The following ACSL5 variants were observed in gnomAD, a reference collection of about 807,000 sequenced individuals.
The protein encoded by ACSL5 is acyl-CoA synthetase long chain family member 5.
A neutral mutation model predicts 84.9 loss-of-function variants in ACSL5; 50 were observed. The observed-to-expected ratio is 0.59, with a 90% CI of 0.47 to 0.75. The LOEUF (loss-of-function observed/expected upper bound fraction) is 0.75, where lower values mean the gene tolerates loss of function less well. Ranked by LOEUF, ACSL5 falls within the 30% of genes least tolerant of loss-of-function variation. The pLI is 0.00. For synonymous variants in ACSL5, 280 were observed against 300.7 expected (o/e 0.93, Z 0.71); for missense variants, 775 against 830.4 (o/e 0.93, Z 0.82).
At chr10:112,416,563 GTTTT>G (rs1172954499) in intron 12 of ACSL5, among the ~76,000 whole-genome samples, 1 of 151,312 alleles carries the variant, frequency 6.6e-6, no homozygotes, top group Non-Finnish European at 1.5e-5. Flanking sequence ...ATTGAGCTGT[GTTTT>G]TTGTTTGTTT....
In ACSL5 at chr10:112,427,199, G is replaced by C. The variant is rs562020916; in HGVS notation, c.1912-19G>C. ...CCAAATCACTAATGAGCATGGATGT[G>C]TGTGTGTTCATCTTCCAGGTCAAAG... On this transcript the variant is annotated intron_variant, in intron 20 of 20. Transcript: ENST00000354655. 2 of 1,605,390 alleles carry C rather than the reference G, an allele frequency of 1.2e-6. No individual in the cohort carries two copies. The highest frequency in any genetic ancestry group is 1.3e-5 in the African/African-American group (1 of 74,690).
chr10:112,422,610 G>T (rs1412318672), intron 17 of ACSL5, among the ~76,000 whole-genome samples, 169 bp downstream of exon 17: 2 of 152,054 alleles, frequency 1.3e-5, no homozygotes, highest in Non-Finnish European at 2.9e-5. Flanking sequence ...ATCCAGAGAA[G>T]AACATACAGA....
At chr10:112,414,694 G>A (rs1589693880) in intron 12 of ACSL5, among the ~76,000 whole-genome samples, 4 of 152,008 alleles carry the variant, frequency 2.6e-5, no homozygotes, top group African/African-American at 9.7e-5. Flanking sequence ...TTGCTCATGT[G>A]TCCTTTTGAC....
chr10:112,411,527 G>C lies in ACSL5; in HGVS notation c.868G>C (p.Glu290Gln). ...SNAAAFLKCV[E>Q]HAYEPTPDDV... ...TGCTGCTGCCTTTCTCAAATGTGTG[G>C]AGGTCAGTGGTCAGTTGAAAAAGAG... is the stretch of plus-strand genomic sequence containing the variant. Residue 290 changes from glutamate to glutamine, a missense_variant and splice_region_variant, in exon 10 of 21, where the codon GAG (glutamate) becomes CAG (glutamine). Coordinates refer to ENST00000354655, the MANE Select transcript of ACSL5 (RefSeq NM_203379.2). 1 of 1,612,452 alleles carries C rather than the reference G, an allele frequency of 6.2e-7. No individual in the cohort carries two copies. Among genetic ancestry groups the C allele is most frequent in the Non-Finnish European group, 8.5e-7 (1 of 1,178,544 alleles).
At chr10:112,414,805 T>C (rs1055553263) in intron 12 of ACSL5, among the ~76,000 whole-genome samples, 1 of 152,204 alleles carries the variant, frequency 6.6e-6, no homozygotes, top group African/African-American at 2.4e-5. Flanking sequence ...GTCTGATTGC[T>C]TCAGGGAGCC....
At chr10:112,381,688 G>T (rs1475420698) in intron 1 of ACSL5, among the ~76,000 whole-genome samples, 8 of 148,294 alleles carry the variant, frequency 5.4e-5, no homozygotes, top group African/African-American at 7.5e-5. Context: ...AAAAAAAGAG[G>T]CCGGGTGCGG....
chr10:112,402,491 C>G (rs1843932366), intron 3 of ACSL5, among the ~76,000 whole-genome samples: 1 of 152,188 alleles, frequency 6.6e-6, no homozygotes, highest in Non-Finnish European at 1.5e-5. Flanking sequence ...GACACACACC[C>G]TGGGGGAGCA....
rs1849262955 is a variant in ACSL5, at chr10:112,377,449, G to C, written c.-30+3180G>C. ...CAGCAACTCAGGAGGCAGGACAATT[G>C]CTTGAACCTAGGAGGCGGAGGTTGC... On this transcript the variant is annotated intron_variant, in intron 1 of 20. Transcript: ENST00000354655. Among the ~76,000 whole-genome samples, 4 of 152,276 alleles carry C rather than the reference G, an allele frequency of 2.6e-5. No individual in the cohort carries two copies. In the South Asian group the frequency reaches 8.3e-4, roughly 32 times the overall value.
At chr10:112,426,908 T>G in intron 20 of ACSL5, 49 bp downstream of exon 20, 1 of 1,466,666 alleles carries the variant, frequency 6.8e-7, no homozygotes, top group Non-Finnish European at 9.5e-7. Context: ...GAAAGTTTTG[T>G]TTAAAGTTTC....
intron 1 of ACSL5, among the ~76,000 whole-genome samples, chr10:112,387,995 G>A (rs533769789): frequency 7.1e-6 from 1 of 140,954 alleles, no homozygotes; most frequent in East Asian, 2.2e-4. Flanking sequence ...CTGGAGTGCA[G>A]TGGTGTGATC....
At chr10:112,376,241 C>A in intron 1 of ACSL5, 1 of 1,583,704 alleles carries the variant, frequency 6.3e-7, no homozygotes. Flanking sequence ...GAAAGCCTGA[C>A]ATGGCCTGAC....
intron 3 of ACSL5, among the ~76,000 whole-genome samples, chr10:112,399,839 A>G (rs748597020): frequency 1.6e-4 from 25 of 152,232 alleles, no homozygotes; most frequent in Non-Finnish European, 3.4e-4. Context: ...AGTGGTTACT[A>G]TCACTGCCAT....
chr10:112,406,777 G>A (rs1392242970), intron 5 of ACSL5: 1 of 152,248 alleles, frequency 6.6e-6, no homozygotes, highest in Non-Finnish European at 1.5e-5. Context: ...AAGCAAACAT[G>A]TCCTTCTTCA....
At chr10:112,421,745 T>A in intron 15 of ACSL5, 80 bp downstream of exon 15, 1 of 1,444,384 alleles carries the variant, frequency 6.9e-7, no homozygotes, top group Non-Finnish European at 9.7e-7. Flanking sequence ...GGAGTTTAGA[T>A]AACTTCAGTT....
intron 2 of ACSL5, chr10:112,396,337 G>C (rs1564734518): frequency 1.3e-5 from 2 of 152,140 alleles, no homozygotes; most frequent in Non-Finnish European, 2.9e-5. Context: ...TGCTGTAAAG[G>C]CCAGGCAGTA....
Position 112,428,029 on chromosome 10 carries a change from T to C in ACSL5, c.*671T>C, listed in dbSNP as rs8624. On this transcript the variant is annotated 3_prime_UTR_variant, in exon 21 of 21. Transcript: ENST00000354655. Reference sequence around the variant, plus strand: ...TATTAAAAATTGGGTCTATGACATATTGTCCAAAAGGAATGCTGTTCTTAA... The same window carrying C: ...TATTAAAAATTGGGTCTATGACATACTGTCCAAAAGGAATGCTGTTCTTAA... The C allele has an allele frequency of 0.35, 59,740 of 168,290 alleles. 11,224 individuals are homozygous for C. Among genetic ancestry groups the C allele is most frequent in the African/African-American group, 0.5 (21,090 of 42,284 alleles). The allele number at this position is 168,290 out of a possible 1,614,324, so 10.4% of individuals were successfully genotyped here.
At chr10:112,376,753 T>C (rs1849248507) in intron 1 of ACSL5, among the ~76,000 whole-genome samples, 2 of 152,098 alleles carry the variant, frequency 1.3e-5, no homozygotes, top group South Asian at 4.1e-4. Context: ...GCATCCAGCA[T>C]AGCTCCCCTG....
chr10:112,424,288 C>T (rs1245564357), intron 17 of ACSL5: 1 of 152,244 alleles, frequency 6.6e-6, no homozygotes, highest in Non-Finnish European at 1.5e-5. Flanking sequence ...GATCTTCCCT[C>T]TCAAAAGTTT....
chr10:112,392,274 C>T (rs912966107), intron 1 of ACSL5, among the ~76,000 whole-genome samples: 3 of 151,494 alleles, frequency 2.0e-5, no homozygotes, highest in Non-Finnish European at 4.4e-5. Context: ...GAGTTTGAAA[C>T]CAGCCTGGGC....
Sources: gnomAD v4.1 joint callset for allele counts (sites outside exome capture counted in the v4.1 genomes callset) on GRCh38, gnomAD v4.1.1 for gene constraint, MANE v1.5 for transcripts, NCBI Gene and HGNC (gene_info 2026-07-23, HGNC 2026-07-21) for gene names.